PPA2: variants seen among roughly 807,000 people sequenced by gnomAD.
PPA2 encodes the protein inorganic pyrophosphatase 2.
In PPA2, 48 loss-of-function variants were observed where a neutral mutation model predicts 49.5. That is an observed-to-expected ratio of 0.97 (90% CI 0.77 to 1.23). The LOEUF is 1.23. Among genes scored for constraint, PPA2 ranks in the 50% most tolerant of loss-of-function variants. The pLI is 0.00. For missense variants in PPA2, 429 were observed against 410.1 expected (o/e 1.05, Z -0.40); for synonymous variants, 131 against 139.9 (o/e 0.94, Z 0.45).
intron 10 of PPA2, among the ~76,000 whole-genome samples, chr4:105,381,521 G>C (rs1466202041): frequency 6.6e-6 from 1 of 151,922 alleles, no homozygotes; most frequent in Non-Finnish European, 1.5e-5. Context: ...ATTAACATGG[G>C]AAAAATTGCC....
At chr4:105,446,571 CT>C in intron 4 of PPA2, 69 bp from the exon 5 acceptor site, 1 of 1,481,382 alleles carries the variant, frequency 6.8e-7, no homozygotes, top group Non-Finnish European at 9.0e-7. Flanking sequence ...CCAAATAGTA[CT>C]TTTAAAAATC....
chr4:105,397,032 A>G (rs72964235), intron 8 of PPA2, among the ~76,000 whole-genome samples: 2,019 of 152,306 alleles, frequency 0.013, 42 homozygotes, highest in African/African-American at 0.047. Flanking sequence ...CTCTTGTTGG[A>G]TATACATCCA....
At position 105,369,751 on chromosome 4, in the gene PPA2, G is replaced by T. The variant is rs751068023; in HGVS notation, c.979C>A (p.Gln327Lys). 1 of 1,588,404 alleles carries T rather than the reference G, an allele frequency of 6.3e-7. No homozygotes were observed. Among genetic ancestry groups the T allele is most frequent in the Admixed American group, 1.7e-5 (1 of 59,982 alleles). Reference sequence around the variant, plus strand: ...CACTTGCCAAGGAAGTGCCACACTTGCTCTGCATTTAAAATGGGGAAAGAG... The same window carrying T: ...CACTTGCCAAGGAAGTGCCACACTTTCTCTGCATTTAAAATGGGGAAAGAG... ...SPNKESNEEE[Q>K]VWHFLGK is the part of the protein sequence containing the mutation. Residue 327 changes from glutamine to lysine, a missense_variant and splice_region_variant, in exon 12 of 12, where the codon CAA becomes AAA. Physicochemically the swap from Gln to Lys is moderately conservative, Grantham distance 53 (BLOSUM62 1). Transcript: ENST00000341695.
At chr4:105,433,629 G>A (rs17035584) in intron 6 of PPA2, among the ~76,000 whole-genome samples, 19,159 of 152,178 alleles carry the variant, frequency 0.13, 1,286 homozygotes, top group African/African-American at 0.16. Flanking sequence ...CACTGTCCAC[G>A]GGAAGAGACA....
intron 6 of PPA2, among the ~76,000 whole-genome samples, chr4:105,432,190 T>G (rs998605727): frequency 6.6e-6 from 1 of 152,204 alleles, no homozygotes; most frequent in African/African-American, 2.4e-5. Flanking sequence ...CTCCTATCCC[T>G]TAAGTCCTCT....
chr4:105,407,400 A>G (rs1382874757), intron 7 of PPA2, among the ~76,000 whole-genome samples: 1 of 152,226 alleles, frequency 6.6e-6, no homozygotes, highest in East Asian at 1.9e-4. Context: ...AGAATACAAA[A>G]TGGTAGAGCC....
chr4:105,388,710 A>G (rs1419700515), intron 9 of PPA2, among the ~76,000 whole-genome samples: 1 of 151,966 alleles, frequency 6.6e-6, no homozygotes, highest in African/African-American at 2.4e-5. Context: ...TTGTAATCCC[A>G]GCTCCTTGGG....
chr4:105,427,345 G>A (rs576627187), intron 6 of PPA2, among the ~76,000 whole-genome samples: 1 of 152,160 alleles, frequency 6.6e-6, no homozygotes, highest in Non-Finnish European at 1.5e-5. Context: ...CATGAAGAAT[G>A]ACTTTGATGA....
At chr4:105,453,689 TAC>T (rs1400215724) in intron 2 of PPA2, 47 bp from the exon 3 acceptor site, 5 of 1,451,032 alleles carry the variant, frequency 3.4e-6, no homozygotes, top group Middle Eastern at 3.7e-4. Flanking sequence ...CATGAAAGTA[TAC>T]AGTGGCACTG....
chr4:105,452,854 A>G (rs1722727443), intron 3 of PPA2, among the ~76,000 whole-genome samples: 1 of 152,022 alleles, frequency 6.6e-6, no homozygotes, highest in Non-Finnish European at 1.5e-5. Flanking sequence ...AGCCACATAT[A>G]TTTGTTTAGA....
At chr4:105,387,258 T>G (rs546152673) in intron 9 of PPA2, among the ~76,000 whole-genome samples, 2 of 152,226 alleles carry the variant, frequency 1.3e-5, no homozygotes, top group South Asian at 2.1e-4. Flanking sequence ...AGCAAAAGCA[T>G]CATTCCTCTG....
rs560351213 is a variant in PPA2 at position 105,378,018 on chromosome 4, T to C, written c.940-7145A>G. On this transcript the variant is annotated intron_variant, in intron 10 of 11. Coordinates refer to ENST00000341695, the MANE Select transcript of PPA2 (RefSeq NM_176869.3). Reference sequence around the variant, plus strand: ...AAGCATTTGTGTACAAGTCTTTGTATGGACATACACTTCCTTTTGTCTTGG... The same window carrying C: ...AAGCATTTGTGTACAAGTCTTTGTACGGACATACACTTCCTTTTGTCTTGG... Among the ~76,000 whole-genome samples, 4 of 152,300 alleles carry C rather than the reference T, an allele frequency of 2.6e-5. No homozygotes were observed. The East Asian group carries it at 7.7e-4, about 29-fold the overall frequency.
chr4:105,435,343 G>C (rs1252595755), intron 6 of PPA2, among the ~76,000 whole-genome samples: 1 of 152,162 alleles, frequency 6.6e-6, no homozygotes, highest in Non-Finnish European at 1.5e-5. Flanking sequence ...AGGATGATAT[G>C]TGAATTCATG....
intron 1 of PPA2, among the ~76,000 whole-genome samples, chr4:105,472,118 G>A (rs540462728): frequency 1.3e-3 from 202 of 152,328 alleles, no homozygotes; most frequent in African/African-American, 4.8e-3. Context: ...GGGAATACCA[G>A]TGCTGAGAAG....
Position 105,456,764 on chromosome 4 carries a change from AC to A in PPA2, c.158-20del. ...ACATTCTCTGCAAAGACACAAACAA[AC>A]AAAACAAAACAGAATTAAAGCAATA... On this transcript the variant is annotated intron_variant, in intron 1 of 11. Transcript: ENST00000341695. 7.7e-6 allele frequency: 12 copies of A among 1,568,122 alleles called. No individual in the cohort carries two copies. The highest frequency in any genetic ancestry group is 1.0e-5 in the Non-Finnish European group (12 of 1,145,840).
chr4:105,440,116 C>T (rs1389122644), intron 5 of PPA2, among the ~76,000 whole-genome samples: 2 of 152,038 alleles, frequency 1.3e-5, no homozygotes, highest in African/African-American at 2.4e-5. Flanking sequence ...TATCCCTACT[C>T]CCACTCCCAA....
chr4:105,445,337 T>C (rs1724560323), intron 5 of PPA2, among the ~76,000 whole-genome samples: 2 of 152,150 alleles, frequency 1.3e-5, no homozygotes, highest in Admixed American at 1.3e-4. Flanking sequence ...CCTATTTAAG[T>C]ACCTGGAGAG....
rs368632057 is a variant in PPA2 at position 105,372,010 on chromosome 4, A to C, written c.940-1137T>G. The stretch of plus-strand genomic sequence containing the variant: ...ATATCTAGGCACCTTTTACCTCCAA[A>C]CAGCCACCCACCGGCCCCTGCAGAA... On this transcript the variant is annotated intron_variant, in intron 10 of 11. Transcript: ENST00000341695. Among the ~76,000 whole-genome samples the C allele has an allele frequency of 2.2e-4, 34 of 152,182 alleles. No homozygotes were observed. The East Asian group carries it at 6.2e-3, about 28-fold the overall frequency.
intron 2 of PPA2, among the ~76,000 whole-genome samples, chr4:105,455,176 T>C (rs1332268037): frequency 3.3e-5 from 5 of 152,250 alleles, no homozygotes; most frequent in Admixed American, 6.5e-5. Flanking sequence ...ATTCAATGAC[T>C]ATTGATTGAA....
Sources: allele counts gnomAD v4.1 joint callset (sites outside exome capture counted in the v4.1 genomes callset), GRCh38; gene constraint gnomAD v4.1.1; transcripts MANE v1.5; gene names NCBI Gene and HGNC (gene_info 2026-07-23, HGNC 2026-07-21).